Variants in RYR1 observed in about 807,000 individuals in gnomAD.
The protein encoded by RYR1 is ryanodine receptor 1.
A neutral mutation model predicts 583.5 loss-of-function variants in RYR1; 342 were observed. The observed-to-expected ratio is 0.59, with a 90% CI of 0.54 to 0.64. The LOEUF (loss-of-function observed/expected upper bound fraction) is 0.64. RYR1 is among the 30% of genes least tolerant of loss of function. The probability of loss-of-function intolerance (pLI) is 0.00; values close to 1 mark genes in which losing one functional copy is unlikely to be tolerated. For missense variants in RYR1, 6,032 were observed against 6,917.2 expected (o/e 0.87, Z 4.54); for synonymous variants, 2,791 against 2,822.5 (o/e 0.99, Z 0.35).
intron 65 of RYR1, among the ~76,000 whole-genome samples, chr19:38,516,993 AT>A (rs1350704528): frequency 6.6e-6 from 1 of 152,116 alleles, no homozygotes. Flanking sequence ...CGGGTGTGGG[AT>A]TCAGAGAGAC....
rs886054411 is a variant in RYR1, at chr19:38,585,002, C to T, written c.14706C>T (p.Ile4902=). The change falls in exon 102 of 106, where the codon ATC becomes ATT. Residue 4902 remains isoleucine, a synonymous_variant. Coordinates refer to ENST00000359596, the MANE Select transcript of RYR1 (RefSeq NM_000540.3). Reference sequence around the variant, plus strand: ...CTGGCGGAGGCATTGGGGACGAGATCGAGGACCCCGCGGGTGACGAATACG... The same window carrying T: ...CTGGCGGAGGCATTGGGGACGAGATTGAGGACCCCGCGGGTGACGAATACG... ...VRAGGGIGDE[I]EDPAGDEYEL... is the part of the protein sequence containing the mutation. 19 of 1,613,918 alleles carry T rather than the reference C, an allele frequency of 1.2e-5. No individual in the cohort carries two copies. Among genetic ancestry groups the T allele is most frequent in the Admixed American group, 1.7e-5 (1 of 59,950 alleles).
At chr19:38,567,656 G>T in intron 92 of RYR1, 117 bp from the exon 93 acceptor site, 1 of 1,467,100 alleles carries the variant, frequency 6.8e-7, no homozygotes. Context: ...CATGTACCCA[G>T]TACCATCCAA....
chr19:38,440,991 G>GT, intron 2 of RYR1, 127 bp downstream of exon 2: 2 of 915,644 alleles, frequency 2.2e-6, no homozygotes, highest in South Asian at 3.3e-5. Flanking sequence ...GAGGAGGGGG[G>GT]CTAAGGCTAA....
chr19:38,502,916 C>G lies in RYR1; in HGVS notation c.7872C>G (p.Arg2624=), dbSNP rs1469698. 12 of 1,611,452 alleles carry G rather than the reference C, an allele frequency of 7.4e-6. 1 individual carries two copies. The South Asian group carries it at 8.8e-5, about 12-fold the overall frequency. The part of the protein sequence containing the change: ...IRPSMLQHLL[R]RLVFDVPILN... ...CGTCGATGCTGCAGCACCTGTTGCG[C>G]CGCCTGGTGTTCGACGTGCCCATCC... The change falls in exon 49 of 106, where the codon CGC becomes CGG. Residue 2624 remains arginine, a synonymous_variant. Coordinates refer to ENST00000359596, the MANE Select transcript of RYR1 (RefSeq NM_000540.3).
chr19:38,485,478 C>G, intron 33 of RYR1, 112 bp from the exon 34 acceptor site: 1 of 1,436,826 alleles, frequency 7.0e-7, no homozygotes, highest in Non-Finnish European at 9.6e-7. Flanking sequence ...GAAGGAAAGA[C>G]GAATGAATAA....
chr19:38,506,704 A>G (rs866846799), intron 56 of RYR1, 125 bp from the exon 57 acceptor site: 33 of 1,513,182 alleles, frequency 2.2e-5, no homozygotes, highest in Admixed American at 1.5e-4. Context: ...CCAGCAAGCA[A>G]TGTTTCCGTT....
intron 100 of RYR1, 81 bp from the exon 101 acceptor site, chr19:38,580,289 C>T: frequency 6.3e-7 from 1 of 1,598,418 alleles, no homozygotes; most frequent in African/African-American, 1.3e-5. Context: ...AGGGACTGAA[C>T]CGGGGCCAGG....
chr19:38,537,000 C>T (rs1600967765), intron 83 of RYR1: 1 of 598,520 alleles, frequency 1.7e-6, no homozygotes, highest in East Asian at 2.8e-5. Context: ...CTTACCTTCC[C>T]TAAGCTTCAC....
chr19:38,504,042 C>G (rs1970324760), intron 49 of RYR1, among the ~76,000 whole-genome samples, 178 bp from the exon 50 acceptor site: 4 of 152,206 alleles, frequency 2.6e-5, no homozygotes. Flanking sequence ...ACTAAGCTGT[C>G]TAGGACCACT....
At chr19:38,454,479 C>T (rs1967258663) in intron 13 of RYR1, among the ~76,000 whole-genome samples, 3 of 152,194 alleles carry the variant, frequency 2.0e-5, no homozygotes, top group Non-Finnish European at 2.9e-5. Context: ...TTAATTAAGG[C>T]ATGAGTTATA....
At chr19:38,510,850 C>T (rs1970695537) in intron 60 of RYR1, 69 bp downstream of exon 60, 1 of 1,605,984 alleles carries the variant, frequency 6.2e-7, no homozygotes, top group Admixed American at 1.7e-5. Context: ...CCCATGGAGG[C>T]TCTGTCCTGG....
chr19:38,506,992 AAC>A (rs771738558), intron 57 of RYR1, 40 bp downstream of exon 57: 16 of 1,611,750 alleles, frequency 9.9e-6, no homozygotes, highest in Non-Finnish European at 1.3e-5. Flanking sequence ...CAGCAGGCAG[AAC>A]ACACCCGGCA....
intron 79 of RYR1, 97 bp from the exon 80 acceptor site, chr19:38,535,044 C>A: frequency 7.8e-7 from 1 of 1,284,898 alleles, no homozygotes; most frequent in Non-Finnish European, 1.1e-6. Context: ...CTCTTAAATC[C>A]CCTTCTCTCA....
intron 20 of RYR1, among the ~76,000 whole-genome samples, chr19:38,461,419 G>A (rs1028089819): frequency 1.3e-5 from 2 of 152,008 alleles, no homozygotes; most frequent in African/African-American, 2.4e-5. Context: ...GAGCAGAATC[G>A]CAGTCTCAGG....
chr19:38,523,159 G>C (rs567072467), intron 68 of RYR1, 44 bp downstream of exon 68: 1 of 1,613,686 alleles, frequency 6.2e-7, no homozygotes, highest in Non-Finnish European at 8.5e-7. Context: ...CAGAGGAGCC[G>C]CAGCCCACAG....
chr19:38,489,932 G>C, intron 35 of RYR1, 144 bp from the exon 36 acceptor site: 2 of 839,692 alleles, frequency 2.4e-6, no homozygotes, highest in East Asian at 2.6e-5. Context: ...GCTTGAGGAA[G>C]GCAGGCTTAA....
chr19:38,574,515 T>G (rs540709723), intron 96 of RYR1, among the ~76,000 whole-genome samples: 2 of 151,968 alleles, frequency 1.3e-5, no homozygotes, highest in South Asian at 4.2e-4. Context: ...GCCTGTAGTC[T>G]TAGCTGTTTG....
intron 66 of RYR1, among the ~76,000 whole-genome samples, chr19:38,518,842 G>A (rs995400107): frequency 6.6e-6 from 1 of 151,956 alleles, no homozygotes; most frequent in Non-Finnish European, 1.5e-5. Flanking sequence ...CAGGAAAATC[G>A]CTTGAACTCG....
intron 18 of RYR1, 73 bp downstream of exon 18, chr19:38,458,365 C>A: frequency 1.3e-6 from 2 of 1,488,652 alleles, no homozygotes; most frequent in Non-Finnish European, 1.9e-6. Context: ...TGACCATACA[C>A]CTTGGGGTTC....
Sources: allele counts gnomAD v4.1 joint callset (sites outside exome capture counted in the v4.1 genomes callset), GRCh38; gene constraint gnomAD v4.1.1; transcripts MANE v1.5; gene names NCBI Gene and HGNC (gene_info 2026-07-23, HGNC 2026-07-21).